Variants in MINDY4 observed in about 807,000 individuals in gnomAD.
The protein encoded by MINDY4 is MINDY lysine 48 deubiquitinase 4, also known as probable ubiquitin carboxyl-terminal hydrolase MINDY-4.
Under a neutral mutation model 87.0 loss-of-function variants are expected in MINDY4, and 68 were observed. That is an observed-to-expected ratio of 0.78 (90% CI 0.64 to 0.96). The LOEUF is 0.96. Ranked by LOEUF, MINDY4 falls within the 40% of genes least tolerant of loss-of-function variation. The probability of loss-of-function intolerance (pLI) is 0.00; values close to 1 mark genes in which losing one functional copy is unlikely to be tolerated. For missense variants in MINDY4, 919 were observed against 928.2 expected, an observed-to-expected ratio of 0.99 and a Z score of 0.13; for synonymous variants, 379 against 363.2, an observed-to-expected ratio of 1.04 and a Z score of -0.50.
At chr7:30,880,991 G>T (rs1790447821) in intron 15 of MINDY4, among the ~76,000 whole-genome samples, 1 of 152,074 alleles carries the variant, frequency 6.6e-6, no homozygotes, top group Non-Finnish European at 1.5e-5. Context: ...TCCTGTAAAG[G>T]GTTCTGGAAA....
intron 17 of MINDY4, among the ~76,000 whole-genome samples, chr7:30,891,340 T>A (rs1700324416): frequency 6.6e-6 from 1 of 152,238 alleles, no homozygotes; most frequent in South Asian, 2.1e-4. Context: ...GTTTTGCAAC[T>A]GAACTGTTAT....
chr7:30,874,459 C>A (rs1215305282), intron 14 of MINDY4, among the ~76,000 whole-genome samples: 1 of 152,184 alleles, frequency 6.6e-6, no homozygotes, highest in Admixed American at 6.5e-5. Context: ...GAGGTTGGAT[C>A]CTTGGTTATC....
At chr7:30,860,207 G>A (rs933934474) in intron 13 of MINDY4, among the ~76,000 whole-genome samples, 1 of 152,088 alleles carries the variant, frequency 6.6e-6, no homozygotes, top group Non-Finnish European at 1.5e-5. Flanking sequence ...GCCTTGTGGT[G>A]CCCAGGGGCG....
At chr7:30,799,506 G>A (rs1279731211) in intron 5 of MINDY4, among the ~76,000 whole-genome samples, 2 of 152,184 alleles carry the variant, frequency 1.3e-5, no homozygotes, top group Non-Finnish European at 2.9e-5. Context: ...GGCTGACTAG[G>A]GCAAGGTTAA....
chr7:30,883,650 C>A (rs1233014706), intron 17 of MINDY4, among the ~76,000 whole-genome samples: 1 of 152,172 alleles, frequency 6.6e-6, no homozygotes, highest in African/African-American at 2.4e-5. Context: ...GGCCCCTGGG[C>A]TGGTGGTGCG....
At chr7:30,879,823 A>T (rs112252574) in intron 15 of MINDY4, among the ~76,000 whole-genome samples, 2 of 152,110 alleles carry the variant, frequency 1.3e-5, no homozygotes, top group Non-Finnish European at 2.9e-5. Flanking sequence ...ATCGCATTTC[A>T]TCGCCTTTAA....
At chr7:30,796,122 T>A (rs6951701) in intron 5 of MINDY4, among the ~76,000 whole-genome samples, 2,395 of 30,522 alleles carry the variant, frequency 0.078, 75 homozygotes, top group African/African-American at 0.42. Flanking sequence ...AGCACTGTAC[T>A]TTTTTTTTTT....
intron 5 of MINDY4, among the ~76,000 whole-genome samples, chr7:30,824,653 A>C (rs1788444270): frequency 6.6e-6 from 1 of 152,110 alleles, no homozygotes; most frequent in Admixed American, 6.5e-5. Flanking sequence ...AGCTCACTGC[A>C]GCCTTAAACT....
chr7:30,772,648 A>G (rs1786678914), intron 1 of MINDY4, among the ~76,000 whole-genome samples: 1 of 152,064 alleles, frequency 6.6e-6, no homozygotes, highest in South Asian at 2.1e-4. Flanking sequence ...CTGTTTGGAA[A>G]GTGTCTTTGT....
intron 5 of MINDY4, among the ~76,000 whole-genome samples, chr7:30,824,638 A>T (rs1433146305): frequency 1.3e-5 from 2 of 152,042 alleles, no homozygotes; most frequent in African/African-American, 4.8e-5. Flanking sequence ...GGCTTGCGTG[A>T]TCATAGCTCA....
At chr7:30,842,062 T>C (rs1362059724) in intron 9 of MINDY4, among the ~76,000 whole-genome samples, 1 of 152,222 alleles carries the variant, frequency 6.6e-6, no homozygotes, top group African/African-American at 2.4e-5. Flanking sequence ...TGATTTTTCC[T>C]TAGTTAGGGT....
At chr7:30,879,392 C>T (rs564450037) in intron 15 of MINDY4, among the ~76,000 whole-genome samples, 10 of 152,312 alleles carry the variant, frequency 6.6e-5, no homozygotes, top group Non-Finnish European at 1.0e-4. Context: ...CTCCAGCTTC[C>T]GGAACTCTGA....
At chr7:30,773,838 T>A (rs1172819547) in intron 1 of MINDY4, among the ~76,000 whole-genome samples, 1 of 152,174 alleles carries the variant, frequency 6.6e-6, no homozygotes, top group African/African-American at 2.4e-5. Context: ...ATTGCATTGT[T>A]CCTGCCAACT....
chr7:30,823,200 A>G (rs543934316), intron 5 of MINDY4, among the ~76,000 whole-genome samples: 25 of 152,264 alleles, frequency 1.6e-4, no homozygotes, highest in African/African-American at 5.1e-4. Flanking sequence ...CACTCTGTCT[A>G]TCATTGTAAA....
rs868711179 is a variant in MINDY4 at position 30,853,525 on chromosome 7, A to G, written c.1677+66A>G. 8.0e-5 allele frequency: 110 copies of G among 1,368,208 alleles called. No individual in the cohort carries two copies. The Middle Eastern group carries it at 2.5e-3, about 31-fold the overall frequency. The allele number at this position is 1,368,208 out of a possible 1,614,324, so 84.8% of individuals were successfully genotyped here. On this transcript the variant is annotated intron_variant, in intron 12 of 17. Coordinates refer to ENST00000265299, the MANE Select transcript of MINDY4 (RefSeq NM_032222.3). ...AGCCTTCTGATTTCACTGTGGGAACAATGCTGTGAACTGGAGTTGTTCTCC... is the reference window on the plus strand; with the variant it reads ...AGCCTTCTGATTTCACTGTGGGAACGATGCTGTGAACTGGAGTTGTTCTCC...
intron 17 of MINDY4, among the ~76,000 whole-genome samples, chr7:30,890,507 A>G (rs1459948524): frequency 6.6e-6 from 1 of 152,232 alleles, no homozygotes; most frequent in African/African-American, 2.4e-5. Context: ...TTTTTCTCCA[A>G]ATGACAAGAA....
intron 6 of MINDY4, among the ~76,000 whole-genome samples, chr7:30,830,885 G>A (rs550943735): frequency 6.6e-6 from 1 of 152,192 alleles, no homozygotes; most frequent in Admixed American, 6.5e-5. Context: ...TTGGTTGGAG[G>A]TAATGGCCCT....
Position 30,820,603 on chromosome 7 carries a change from C to A in MINDY4, c.1074-8076C>A, listed in dbSNP as rs541878807. 2.7e-5 allele frequency among the ~76,000 whole-genome samples: 4 copies of A among 149,966 alleles called. No individual in the cohort carries two copies. The East Asian group carries it at 7.7e-4, about 29-fold the overall frequency. On this transcript the variant is annotated intron_variant, in intron 5 of 17. Transcript: ENST00000265299. ...CGGAATCATATAATATATAAACTTA[C>A]GGTGTCAGGCTTCTTTCACTTAACA...
chr7:30,833,885 G>A (rs989007503), intron 6 of MINDY4, among the ~76,000 whole-genome samples: 8 of 152,246 alleles, frequency 5.3e-5, no homozygotes, highest in Non-Finnish European at 1.0e-4. Context: ...GATCTCCTTT[G>A]ACTCCATGTC....
Sources: allele counts gnomAD v4.1 joint callset (sites outside exome capture counted in the v4.1 genomes callset), GRCh38; gene constraint gnomAD v4.1.1; transcripts MANE v1.5; gene names NCBI Gene and HGNC (gene_info 2026-07-23, HGNC 2026-07-21).